KCNQ3: variants seen among roughly 807,000 people sequenced by gnomAD.
KCNQ3 encodes potassium voltage-gated channel subfamily KQT member 3.
KCNQ3 carries 30 observed loss-of-function variants against 92.5 expected under a neutral mutation model. The observed-to-expected ratio is 0.32, with a 90% CI of 0.24 to 0.44. KCNQ3 has a LOEUF of 0.44. Ranked by LOEUF, KCNQ3 falls within the 20% of genes least tolerant of loss-of-function variation. The probability of loss-of-function intolerance (pLI) is 1.00; values close to 1 mark genes in which losing one functional copy is unlikely to be tolerated. For synonymous variants in KCNQ3, 450 were observed against 468.8 expected, an observed-to-expected ratio of 0.96 and a Z score of 0.52; for missense variants, 913 against 1,140.3, an observed-to-expected ratio of 0.80 and a Z score of 2.87.
chr8:132,366,885 T>A (rs1173898094), intron 1 of KCNQ3, among the ~76,000 whole-genome samples: 1 of 152,220 alleles, frequency 6.6e-6, no homozygotes, highest in Non-Finnish European at 1.5e-5. Flanking sequence ...CTTAATTTCA[T>A]AAGTGAGATT....
chr8:132,250,265 C>A (rs1467939615), intron 1 of KCNQ3, among the ~76,000 whole-genome samples: 2 of 152,138 alleles, frequency 1.3e-5, no homozygotes, highest in African/African-American at 4.8e-5. Context: ...ATGGAGACTA[C>A]ATGGAGAAAA....
chr8:132,288,670 G>A (rs540699617), intron 1 of KCNQ3, among the ~76,000 whole-genome samples: 47 of 152,112 alleles, frequency 3.1e-4, no homozygotes, highest in African/African-American at 1.0e-3. Flanking sequence ...TCTTTCATAG[G>A]GCAGTGCATT....
chr8:132,286,354 G>C (rs1433227833), intron 1 of KCNQ3, among the ~76,000 whole-genome samples: 4 of 152,234 alleles, frequency 2.6e-5, no homozygotes, highest in Admixed American at 1.3e-4. Context: ...GCAACACATA[G>C]AGTGAAAGAT....
intron 1 of KCNQ3, among the ~76,000 whole-genome samples, chr8:132,379,786 A>G (rs2130752346): frequency 6.6e-6 from 1 of 152,218 alleles, no homozygotes; most frequent in South Asian, 2.1e-4. Context: ...GACATGGAAT[A>G]TATCTCACCA....
chr8:132,157,560 C>G (rs1346988829), intron 9 of KCNQ3, among the ~76,000 whole-genome samples: 1 of 152,226 alleles, frequency 6.6e-6, no homozygotes, highest in Non-Finnish European at 1.5e-5. Flanking sequence ...TGCTCTGTCC[C>G]TGTGCTGTTT....
intron 1 of KCNQ3, among the ~76,000 whole-genome samples, chr8:132,330,669 TG>T (rs1818202717): frequency 6.6e-6 from 1 of 152,206 alleles, no homozygotes; most frequent in Non-Finnish European, 1.5e-5. Context: ...CATTAGGAGC[TG>T]GGAAGTAAGT....
At chr8:132,406,819 G>T (rs2130791721) in intron 1 of KCNQ3, among the ~76,000 whole-genome samples, 1 of 152,310 alleles carries the variant, frequency 6.6e-6, no homozygotes, top group South Asian at 2.1e-4. Flanking sequence ...TAGGTATTAG[G>T]CCAAGGGTTC....
intron 12 of KCNQ3, among the ~76,000 whole-genome samples, chr8:132,135,664 A>G (rs1286684528): frequency 6.6e-6 from 1 of 152,096 alleles, no homozygotes; most frequent in African/African-American, 2.4e-5. Context: ...GGAGTCTGGC[A>G]TGCCTTAGAC....
intron 1 of KCNQ3, among the ~76,000 whole-genome samples, chr8:132,404,426 G>T (rs148360619): frequency 7.2e-4 from 109 of 152,296 alleles, no homozygotes; most frequent in African/African-American, 2.6e-3. Flanking sequence ...CTAATCAGAT[G>T]ATTTTAAGAA....
At chr8:132,417,610 C>G (rs575610763) in intron 1 of KCNQ3, among the ~76,000 whole-genome samples, 2 of 152,344 alleles carry the variant, frequency 1.3e-5, no homozygotes, top group Non-Finnish European at 2.9e-5. Flanking sequence ...ACTCTATGTG[C>G]TGGGGACTTG....
chr8:132,340,112 C>T (rs536709528), intron 1 of KCNQ3, among the ~76,000 whole-genome samples: 1 of 152,294 alleles, frequency 6.6e-6, no homozygotes, highest in South Asian at 2.1e-4. Context: ...CAGGAAACAA[C>T]AGATGCTGGC....
intron 1 of KCNQ3, among the ~76,000 whole-genome samples, chr8:132,329,671 C>T (rs1490479395): frequency 6.6e-6 from 1 of 152,182 alleles, no homozygotes; most frequent in Non-Finnish European, 1.5e-5. Context: ...CCTTCTGTGG[C>T]ATTGTATTAC....
At chr8:132,182,375 G>T (rs1333677829) in intron 3 of KCNQ3, among the ~76,000 whole-genome samples, 3 of 152,204 alleles carry the variant, frequency 2.0e-5, no homozygotes, top group Admixed American at 6.5e-5. Flanking sequence ...TCATGTTCAT[G>T]GGCGTGATAA....
intron 1 of KCNQ3, among the ~76,000 whole-genome samples, chr8:132,187,855 A>ATTGTGATGG (rs60036560): frequency 1.4e-5 from 1 of 69,826 alleles, no homozygotes; most frequent in African/African-American, 6.6e-5. Flanking sequence ...GGTGGTAGTG[A>ATTGTGATGG]TGGTGGTGGT....
At chr8:132,349,620 A>T (rs1241961266) in intron 1 of KCNQ3, among the ~76,000 whole-genome samples, 2 of 152,238 alleles carry the variant, frequency 1.3e-5, no homozygotes, top group Non-Finnish European at 2.9e-5. Flanking sequence ...CACCTCCACC[A>T]AGCCCTGAAA....
At chr8:132,353,056 C>A (rs1818919870) in intron 1 of KCNQ3, among the ~76,000 whole-genome samples, 2 of 152,148 alleles carry the variant, frequency 1.3e-5, no homozygotes, top group Admixed American at 1.3e-4. Flanking sequence ...GAAACACTGT[C>A]TCTACTGAAA....
rs182178702 is a variant in KCNQ3 at position 132,325,505 on chromosome 8, T to G, written c.387-139324A>C. 1.2e-4 allele frequency among the ~76,000 whole-genome samples: 19 copies of G among 152,246 alleles called. No individual in the cohort carries two copies. The East Asian group carries it at 3.7e-3, about 29-fold the overall frequency. ...GGAGATAGGGTTTCTAAAGACGTCA[T>G]TAAGTTAAAATGAGTTCATTAGGGT... On this transcript the variant is annotated intron_variant, in intron 1 of 14. Coordinates refer to ENST00000388996, the MANE Select transcript of KCNQ3 (RefSeq NM_004519.4).
intron 1 of KCNQ3, among the ~76,000 whole-genome samples, chr8:132,455,414 T>C (rs1821917133): frequency 6.6e-6 from 1 of 152,184 alleles, no homozygotes; most frequent in Admixed American, 6.5e-5. Flanking sequence ...GCCATTAAAA[T>C]GGTAAAGTTT....
intron 1 of KCNQ3, among the ~76,000 whole-genome samples, chr8:132,453,431 G>C (rs1348754151): frequency 6.6e-6 from 1 of 152,186 alleles, no homozygotes; most frequent in African/African-American, 2.4e-5. Flanking sequence ...AGGTCGGGCT[G>C]CCTGGAATTA....
Sources: gnomAD v4.1 joint callset for allele counts (sites outside exome capture counted in the v4.1 genomes callset) on GRCh38, gnomAD v4.1.1 for gene constraint, MANE v1.5 for transcripts, NCBI Gene and HGNC (gene_info 2026-07-23, HGNC 2026-07-21) for gene names.